SYN3: variants seen among roughly 807,000 people sequenced by gnomAD.
SYN3 encodes synapsin-3.
Under a neutral mutation model 65.8 loss-of-function variants are expected in SYN3, and 35 were observed. The ratio of observed to expected loss-of-function variants is 0.53; its 90% CI spans 0.41 to 0.70. The LOEUF is 0.70. Among genes scored for constraint, SYN3 ranks in the 30% least tolerant of loss-of-function variants. The pLI, the probability that SYN3 is intolerant of heterozygous loss-of-function variation, is 0.00. For missense variants in SYN3, 680 were observed against 749.0 expected (o/e 0.91, Z 1.08); for synonymous variants, 270 against 292.9 (o/e 0.92, Z 0.80).
At chr22:32,529,562 T>C (rs992435009) in intron 10 of SYN3, among the ~76,000 whole-genome samples, 1 of 152,198 alleles carries the variant, frequency 6.6e-6, no homozygotes, top group African/African-American at 2.4e-5. Flanking sequence ...TGGGCTGTTC[T>C]CAAAGTGCTT....
At chr22:32,598,581 G>A (rs1414305758) in intron 6 of SYN3, among the ~76,000 whole-genome samples, 2 of 152,152 alleles carry the variant, frequency 1.3e-5, no homozygotes, top group Admixed American at 1.3e-4. Flanking sequence ...TGCCTCCTGG[G>A]TTCAAGCGAT....
At chr22:32,741,516 C>T (rs899881605) in intron 6 of SYN3, among the ~76,000 whole-genome samples, 13 of 151,818 alleles carry the variant, frequency 8.6e-5, no homozygotes, top group Non-Finnish European at 1.8e-4. Context: ...CCACCACGTC[C>T]GGCTAATTTT....
At chr22:32,653,169 T>C (rs2060096626) in intron 6 of SYN3, among the ~76,000 whole-genome samples, 1 of 152,194 alleles carries the variant, frequency 6.6e-6, no homozygotes, top group South Asian at 2.1e-4. Context: ...TTGGTTTTCT[T>C]GAGGCTGAAG....
chr22:32,647,971 A>G (rs115304589), intron 6 of SYN3, among the ~76,000 whole-genome samples: 1 of 152,000 alleles, frequency 6.6e-6, no homozygotes, highest in Non-Finnish European at 1.5e-5. Flanking sequence ...ACTCCTAGGC[A>G]CAAGTGATCC....
intron 6 of SYN3, among the ~76,000 whole-genome samples, chr22:32,853,366 C>T (rs776888774): frequency 6.6e-6 from 1 of 152,262 alleles, no homozygotes; most frequent in Non-Finnish European, 1.5e-5. Context: ...CCGTGATGTA[C>T]ACCAGCATCC....
At chr22:32,962,489 G>A (rs2146892189) in intron 3 of SYN3, among the ~76,000 whole-genome samples, 1 of 152,268 alleles carries the variant, frequency 6.6e-6, no homozygotes, top group Admixed American at 6.5e-5. Flanking sequence ...AACAGTTAAG[G>A]TAAGACTGAA....
intron 6 of SYN3, among the ~76,000 whole-genome samples, chr22:32,642,606 A>C (rs1228280710): frequency 6.6e-6 from 1 of 151,712 alleles, no homozygotes; most frequent in Non-Finnish European, 1.5e-5. Flanking sequence ...ACGCCTGGCT[A>C]ATTTTTTGTA....
chr22:32,875,756 C>G (rs983911340), intron 4 of SYN3, among the ~76,000 whole-genome samples: 8 of 152,112 alleles, frequency 5.3e-5, no homozygotes, highest in Non-Finnish European at 1.2e-4. Context: ...CCTTCAGGAA[C>G]TAGAGAGTGG....
At chr22:32,551,861 G>T (rs1165396563) in intron 7 of SYN3, among the ~76,000 whole-genome samples, 2 of 152,160 alleles carry the variant, frequency 1.3e-5, no homozygotes, top group African/African-American at 4.8e-5. Context: ...CAAGGACTTG[G>T]GGGAGAGGAA....
intron 6 of SYN3, among the ~76,000 whole-genome samples, chr22:32,703,998 T>C (rs1160707962): frequency 6.6e-6 from 1 of 152,224 alleles, no homozygotes; most frequent in East Asian, 1.9e-4. Flanking sequence ...GTAGAAATGG[T>C]AATTTTTGTA....
chr22:32,859,289 C>T, intron 6 of SYN3: 2 of 1,614,200 alleles, frequency 1.2e-6, no homozygotes, highest in Admixed American at 3.3e-5. Context: ...AAACACTACG[C>T]CTGCATCCGG....
chr22:32,910,633 C>T (rs1007703389), intron 4 of SYN3, among the ~76,000 whole-genome samples: 1 of 148,578 alleles, frequency 6.7e-6, no homozygotes, highest in Non-Finnish European at 1.5e-5. Context: ...ACGAGTTATT[C>T]GGTTGGTGCA....
At chr22:32,849,721 G>C (rs2048166395) in intron 6 of SYN3, among the ~76,000 whole-genome samples, 1 of 152,250 alleles carries the variant, frequency 6.6e-6, no homozygotes, top group Non-Finnish European at 1.5e-5. Flanking sequence ...AGGGGGCATG[G>C]GGCTGCCTTG....
At chr22:32,940,381 T>C (rs1465981626) in intron 3 of SYN3, among the ~76,000 whole-genome samples, 2 of 72,624 alleles carry the variant, frequency 2.8e-5, no homozygotes, top group African/African-American at 8.4e-5. Flanking sequence ...TGAAGTACAA[T>C]TTAGTATTTT....
At chr22:33,056,738 A>G (rs1390903547) in intron 1 of SYN3, among the ~76,000 whole-genome samples, 1 of 152,262 alleles carries the variant, frequency 6.6e-6, no homozygotes, top group Non-Finnish European at 1.5e-5. Flanking sequence ...AAGAAGGTTC[A>G]TGAAGGTTGC....
intron 6 of SYN3, among the ~76,000 whole-genome samples, chr22:32,685,250 T>C (rs2060574651): frequency 6.6e-6 from 1 of 151,958 alleles, no homozygotes; most frequent in South Asian, 2.1e-4. Flanking sequence ...GTGATTCCTA[T>C]ATCCCTACCT....
At chr22:33,013,721 C>T (rs1424790595) in intron 1 of SYN3, among the ~76,000 whole-genome samples, 2 of 152,130 alleles carry the variant, frequency 1.3e-5, no homozygotes, top group African/African-American at 4.8e-5. Flanking sequence ...TCCGCTTTCC[C>T]CATTCAGCCC....
At chr22:32,882,137 G>A (rs1292719458) in intron 4 of SYN3, among the ~76,000 whole-genome samples, 1 of 151,680 alleles carries the variant, frequency 6.6e-6, no homozygotes, top group Admixed American at 6.6e-5. Flanking sequence ...CGGGACCTGG[G>A]CTGTCAGGTG....
chr22:32,984,633 AT>A (rs1333364232), intron 2 of SYN3, among the ~76,000 whole-genome samples: 1 of 152,100 alleles, frequency 6.6e-6, no homozygotes, highest in Admixed American at 6.6e-5. Context: ...TGGTGGGAAT[AT>A]CCCCTCACTC....
Sources: gnomAD v4.1 joint callset for allele counts (sites outside exome capture counted in the v4.1 genomes callset) on GRCh38, gnomAD v4.1.1 for gene constraint, MANE v1.5 for transcripts, NCBI Gene and HGNC (gene_info 2026-07-23, HGNC 2026-07-21) for gene names.